The following SOX5 variants were observed in gnomAD, a reference collection of about 807,000 sequenced individuals.
SOX5 encodes SRY-box transcription factor 5, also known as transcription factor SOX-5.
SOX5 carries 9 observed loss-of-function variants against 92.0 expected under a neutral mutation model. The observed-to-expected ratio is 0.10, with a 90% confidence interval of 0.06 to 0.17. SOX5 has a LOEUF of 0.17. Among genes scored for constraint, SOX5 ranks in the 10% least tolerant of loss-of-function variants. The pLI, the probability that SOX5 is intolerant of heterozygous loss-of-function variation, is 1.00. For missense variants in SOX5, 642 were observed against 944.5 expected, an observed-to-expected ratio of 0.68 and a Z score of 4.20; for synonymous variants, 344 against 336.3, an observed-to-expected ratio of 1.02 and a Z score of -0.25.
intron 1 of SOX5, among the ~76,000 whole-genome samples, chr12:24,370,201 G>A (rs886394694): frequency 9.9e-5 from 15 of 152,104 alleles, no homozygotes; most frequent in East Asian, 1.9e-4. Context: ...TTGGCCGTGC[G>A]CGGTGGCTCA....
intron 4 of SOX5, among the ~76,000 whole-genome samples, chr12:24,105,776 C>A (rs1007515734): frequency 6.6e-6 from 1 of 152,042 alleles, no homozygotes; most frequent in Non-Finnish European, 1.5e-5. Context: ...ATAGTCAGAG[C>A]AGGAGAATTA....
Position 23,530,818 on chromosome 12 carries a change from T to TGTGTGTGTGTGC in SOX5, c.*3400_*3401insGCACACACACAC. 7 of 132,116 alleles carry TGTGTGTGTGTGC rather than the reference T, an allele frequency of 5.3e-5. No individual in the cohort carries two copies. Among genetic ancestry groups the TGTGTGTGTGTGC allele is most frequent in the African/African-American group, 1.9e-4 (7 of 36,196 alleles). 8.2% of individuals were successfully genotyped at this position (132,116 alleles called of 1,614,324 possible). A position where few individuals can be genotyped will look rare whatever the true frequency, so the allele number is the denominator to read the frequency against. On this transcript the variant is annotated 3_prime_UTR_variant, in exon 15 of 15. Coordinates refer to ENST00000451604, the MANE Select transcript of SOX5 (RefSeq NM_006940.6). ...GGGCAAGTGTGTGTGTGTGTGTGTG[T>TGTGTGTGTGTGC]GCGCGCGCGCGCGCGCGCATGTGAG...
intron 1 of SOX5, among the ~76,000 whole-genome samples, chr12:24,456,552 A>G (rs1298730076): frequency 1.3e-5 from 2 of 152,170 alleles, no homozygotes; most frequent in Non-Finnish European, 2.9e-5. Flanking sequence ...ATGTTATCTT[A>G]TCTAGCCTTC....
At chr12:24,308,941 C>A (rs565089479) in intron 2 of SOX5, among the ~76,000 whole-genome samples, 3 of 152,180 alleles carry the variant, frequency 2.0e-5, no homozygotes, top group East Asian at 3.9e-4. Flanking sequence ...GTGGCCTAAT[C>A]CCATACCATT....
chr12:23,626,955 C>T (rs1376374574), intron 8 of SOX5, among the ~76,000 whole-genome samples: 2 of 152,078 alleles, frequency 1.3e-5, no homozygotes, highest in Non-Finnish European at 1.5e-5. Flanking sequence ...TAACGGAACA[C>T]CGGGCATAAA....
chr12:23,621,855 A>G (rs2077219977), intron 8 of SOX5, among the ~76,000 whole-genome samples: 1 of 152,062 alleles, frequency 6.6e-6, no homozygotes, highest in Non-Finnish European at 1.5e-5. Flanking sequence ...CACACCGTAA[A>G]AGGTAGTTCT....
At chr12:23,768,421 T>C (rs2094811189) in intron 3 of SOX5, among the ~76,000 whole-genome samples, 1 of 152,168 alleles carries the variant, frequency 6.6e-6, no homozygotes, top group African/African-American at 2.4e-5. Context: ...GGGTCTCTTT[T>C]ACAGAACAAT....
In SOX5 at chr12:24,293,706, G is replaced by A. The variant is rs531857106; in HGVS notation, c.-173-16394C>T. 7.2e-5 allele frequency among the ~76,000 whole-genome samples: 11 copies of A among 152,240 alleles called. No individual in the cohort carries two copies. In the South Asian group the frequency reaches 2.1e-3, roughly 29 times the overall value. On this transcript the variant is annotated intron_variant, in intron 2 of 4. Coordinates refer to the SOX5 transcript ENST00000446891. ...ATTGACAGGATTGTAAAGATTTGCT[G>A]ATTTTCCATTTTTGTTATCACTTTT...
chr12:23,963,038 G>A (rs1947132369), intron 4 of SOX5, among the ~76,000 whole-genome samples: 1 of 152,120 alleles, frequency 6.6e-6, no homozygotes, highest in Non-Finnish European at 1.5e-5. Context: ...CTAGAGGCAT[G>A]GCAGGGGAAA....
chr12:23,686,682 A>T (rs2087651006), intron 6 of SOX5, among the ~76,000 whole-genome samples: 1 of 152,122 alleles, frequency 6.6e-6, no homozygotes, highest in South Asian at 2.1e-4. Flanking sequence ...TTACCTGTTC[A>T]GTTGTTTATG....
chr12:24,519,087 G>A (rs944879248), intron 1 of SOX5, among the ~76,000 whole-genome samples: 1 of 152,076 alleles, frequency 6.6e-6, no homozygotes, highest in Non-Finnish European at 1.5e-5. Flanking sequence ...CTGAGAAATT[G>A]AGAACGGTAT....
intron 4 of SOX5, among the ~76,000 whole-genome samples, chr12:23,993,686 A>C (rs1329625333): frequency 6.6e-6 from 1 of 152,180 alleles, no homozygotes; most frequent in Non-Finnish European, 1.5e-5. Flanking sequence ...ATATTACATA[A>C]AGAAAAGTGT....
chr12:24,297,815 G>T (rs1278025751), intron 2 of SOX5, among the ~76,000 whole-genome samples: 1 of 152,180 alleles, frequency 6.6e-6, no homozygotes, highest in East Asian at 1.9e-4. Flanking sequence ...AGCACTGTCT[G>T]CTGGGCAGGA....
rs185423028 is a variant in SOX5 at position 23,650,527 on chromosome 12, T to C, written c.932-9630A>G. On this transcript the variant is annotated intron_variant, in intron 7 of 14. Coordinates refer to ENST00000451604, the MANE Select transcript of SOX5 (RefSeq NM_006940.6). ...ATGAAGTTAGTAAGGACACTGTAGA[T>C]GGAACTTTGGAAGAAAACTGCTTTC... Among the ~76,000 whole-genome samples, 541 of 152,276 alleles carry C rather than the reference T, an allele frequency of 3.6e-3. 12 individuals carry two copies. The highest frequency in any genetic ancestry group is 3.8e-4 in the Non-Finnish European group (26 of 67,984).
intron 2 of SOX5, among the ~76,000 whole-genome samples, chr12:24,283,155 G>T (rs982127884): frequency 2.0e-5 from 3 of 152,028 alleles, no homozygotes; most frequent in Non-Finnish European, 2.9e-5. Context: ...GTAATTAAAG[G>T]TTTTACTATT....
intron 4 of SOX5, among the ~76,000 whole-genome samples, chr12:24,028,510 C>T (rs946245457): frequency 2.6e-5 from 4 of 151,958 alleles, no homozygotes; most frequent in African/African-American, 9.7e-5. Context: ...TTCCTTCTAG[C>T]TGCTTGAATT....
At chr12:23,677,285 TATGTGTCCTTA>T in intron 6 of SOX5, among the ~76,000 whole-genome samples, 1 of 152,268 alleles carries the variant, frequency 6.6e-6, no homozygotes, top group South Asian at 2.1e-4. Context: ...AATAAAAACT[TATGTGTCCTTA>T]ATGAAATAAC....
At chr12:23,807,130 T>G (rs1375304584) in intron 3 of SOX5, among the ~76,000 whole-genome samples, 2 of 152,202 alleles carry the variant, frequency 1.3e-5, no homozygotes, top group Non-Finnish European at 2.9e-5. Flanking sequence ...TTTAATTTTA[T>G]GTGACATCAA....
intron 3 of SOX5, among the ~76,000 whole-genome samples, chr12:23,814,018 G>C (rs1224956107): frequency 6.6e-6 from 1 of 151,932 alleles, no homozygotes; most frequent in Non-Finnish European, 1.5e-5. Context: ...ATCTAAATGA[G>C]AATTTAAGAG....
Sources: gnomAD v4.1 joint callset for allele counts (sites outside exome capture counted in the v4.1 genomes callset) on GRCh38, gnomAD v4.1.1 for gene constraint, MANE v1.5 for transcripts, NCBI Gene and HGNC (gene_info 2026-07-23, HGNC 2026-07-21) for gene names.